GALNT18: variants seen among roughly 807,000 people sequenced by gnomAD.
GALNT18 encodes the protein polypeptide N-acetylgalactosaminyltransferase 18, also known as GalNAc-transferase 18.
Under a neutral mutation model 69.5 loss-of-function variants are expected in GALNT18, and 44 were observed. That is an observed-to-expected ratio of 0.63 (90% CI 0.50 to 0.81). The LOEUF (loss-of-function observed/expected upper bound fraction) is 0.81, where lower values mean the gene tolerates loss of function less well. Among genes scored for constraint, GALNT18 ranks in the 40% least tolerant of loss-of-function variants. The probability of loss-of-function intolerance (pLI) is 0.00; values close to 1 mark genes in which losing one functional copy is unlikely to be tolerated. For synonymous variants in GALNT18, 364 were observed against 318.2 expected (o/e 1.14, Z -1.53); for missense variants, 715 against 810.0 (o/e 0.88, Z 1.42).
Position 11,284,301 on chromosome 11 carries a change from C to T in GALNT18, c.1677+8728G>A, listed in dbSNP as rs186677976. On this transcript the variant is annotated intron_variant, in intron 10 of 10. Coordinates refer to ENST00000227756, the MANE Select transcript of GALNT18 (RefSeq NM_198516.3). ...TGTGGTACAGACTGACTGGCCTGTT[C>T]CTCCTGGAATGTAAGAGTTAGAGTC... 2.6e-5 allele frequency among the ~76,000 whole-genome samples: 4 copies of T among 152,294 alleles called. No individual in the cohort carries two copies. The East Asian group carries it at 7.7e-4, about 29-fold the overall frequency.
At chr11:11,575,117 C>A (rs1858890301) in intron 1 of GALNT18, among the ~76,000 whole-genome samples, 1 of 152,144 alleles carries the variant, frequency 6.6e-6, no homozygotes, top group Non-Finnish European at 1.5e-5. Context: ...AAGCTCATTA[C>A]CATGAACACA....
intron 9 of GALNT18, among the ~76,000 whole-genome samples, chr11:11,297,058 T>C (rs890667299): frequency 6.6e-6 from 1 of 152,124 alleles, no homozygotes; most frequent in African/African-American, 2.4e-5. Flanking sequence ...GGAGGAATGT[T>C]ATAAACCAGG....
At chr11:11,529,759 C>T (rs4910372) in intron 1 of GALNT18, among the ~76,000 whole-genome samples, 34,808 of 151,902 alleles carry the variant, frequency 0.23, 4,465 homozygotes, top group Non-Finnish European at 0.27. Flanking sequence ...TACGTATGCA[C>T]ATGTACCTAT....
rs1279724974 is a variant in GALNT18, at chr11:11,555,782, CA to C, written c.235+65576del. Among the ~76,000 whole-genome samples the C allele has an allele frequency of 6.6e-6, 1 of 152,080 alleles. No homozygotes were observed. The highest frequency in any genetic ancestry group is 2.4e-5 in the African/African-American group (1 of 41,348). ...GGGCCTCCTCAGGTAAGCCCATGAC[CA>C]GGTGGAATAGCCTGGCTGGGGATGC... On this transcript the variant is annotated intron_variant, in intron 1 of 10. Coordinates refer to ENST00000227756, the MANE Select transcript of GALNT18 (RefSeq NM_198516.3). The surrounding 1 kb of genome is among the most constrained non-coding windows in gnomAD (Gnocchi z 4.7).
intron 1 of GALNT18, among the ~76,000 whole-genome samples, chr11:11,551,862 G>T (rs1858202315): frequency 6.6e-6 from 1 of 152,152 alleles, no homozygotes; most frequent in African/African-American, 2.4e-5. Context: ...GCAATGTTCT[G>T]CGAGCAGGGG....
intron 1 of GALNT18, among the ~76,000 whole-genome samples, chr11:11,503,573 CTA>C (rs1055187754): frequency 3.9e-5 from 6 of 152,162 alleles, no homozygotes; most frequent in African/African-American, 1.4e-4. Flanking sequence ...GCGCTAGGCA[CTA>C]TGTGTTCAGC....
chr11:11,280,723 G>A (rs1222803556), intron 10 of GALNT18, among the ~76,000 whole-genome samples: 1 of 152,128 alleles, frequency 6.6e-6, no homozygotes, highest in South Asian at 2.1e-4. Flanking sequence ...CAGTGCCCAG[G>A]GTCACTGCCT....
rs760304514 is a variant in GALNT18 at position 11,332,666 on chromosome 11, T to A, written c.1416+28A>T. The A allele has an allele frequency of 2.5e-6, 4 of 1,611,648 alleles. No individual in the cohort carries two copies. Among genetic ancestry groups the A allele is most frequent in the Non-Finnish European group, 2.5e-6 (3 of 1,178,064 alleles). Reference sequence around the variant, plus strand: ...ATGTTTCTTTCTGTCTGTGTCTGAATGAAACCCGGAGGAGGCCAGCTCCTT... The same window carrying A: ...ATGTTTCTTTCTGTCTGTGTCTGAAAGAAACCCGGAGGAGGCCAGCTCCTT... On this transcript the variant is annotated intron_variant, in intron 8 of 10. Coordinates refer to ENST00000227756, the MANE Select transcript of GALNT18 (RefSeq NM_198516.3). The surrounding 1 kb of genome is among the most constrained non-coding windows in gnomAD (Gnocchi z 4.3).
intron 1 of GALNT18, among the ~76,000 whole-genome samples, chr11:11,466,395 A>AT (rs1184569318): frequency 6.6e-6 from 1 of 152,256 alleles, no homozygotes. Flanking sequence ...TTGAAATATG[A>AT]TTTTTCAAAG....
intron 10 of GALNT18, among the ~76,000 whole-genome samples, chr11:11,283,643 A>C (rs1237918873): frequency 6.6e-6 from 1 of 152,204 alleles, no homozygotes; most frequent in Non-Finnish European, 1.5e-5. Context: ...CTTCGTGCAG[A>C]GACCTGGGCT....
At chr11:11,335,687 A>C (rs1006027786) in intron 7 of GALNT18, among the ~76,000 whole-genome samples, 1 of 152,192 alleles carries the variant, frequency 6.6e-6, no homozygotes, top group Non-Finnish European at 1.5e-5. Flanking sequence ...GTATGTGACT[A>C]TATATGACTA....
chr11:11,353,078 A>C, intron 6 of GALNT18: 1 of 1,614,146 alleles, frequency 6.2e-7, no homozygotes, highest in Non-Finnish European at 8.5e-7. Flanking sequence ...GTGTATTAAC[A>C]TCTGTGTAAA....
At chr11:11,284,868 A>T (rs1043274329) in intron 10 of GALNT18, among the ~76,000 whole-genome samples, 18 of 133,010 alleles carry the variant, frequency 1.4e-4, no homozygotes, top group African/African-American at 5.0e-4. Context: ...TTTTTGTATT[A>T]TGAATACTCA....
intron 1 of GALNT18, among the ~76,000 whole-genome samples, chr11:11,611,561 T>C (rs1239654097): frequency 1.3e-5 from 2 of 152,200 alleles, no homozygotes; most frequent in Admixed American, 1.3e-4. Context: ...AAGCCTCAGA[T>C]GACCAACCAT....
chr11:11,392,796 T>A (rs1854226134), intron 3 of GALNT18, among the ~76,000 whole-genome samples: 1 of 152,220 alleles, frequency 6.6e-6, no homozygotes, highest in Non-Finnish European at 1.5e-5. Context: ...GCCATCTTTT[T>A]AAATTTTATT....
At chr11:11,504,449 A>AG (rs1564982913) in intron 1 of GALNT18, among the ~76,000 whole-genome samples, 1 of 151,238 alleles carries the variant, frequency 6.6e-6, no homozygotes, top group African/African-American at 2.4e-5. Context: ...GAAAAAAAAA[A>AG]CTTGATCACA....
At chr11:11,321,494 A>G (rs1849838089) in intron 9 of GALNT18, among the ~76,000 whole-genome samples, 1 of 152,222 alleles carries the variant, frequency 6.6e-6, no homozygotes, top group Non-Finnish European at 1.5e-5. Context: ...TAGCAAGACA[A>G]ACCCTTGAAC....
At chr11:11,271,404 C>T (rs1439900683) in intron 10 of GALNT18, 114 bp from the exon 11 acceptor site, 4 of 1,062,110 alleles carry the variant, frequency 3.8e-6, no homozygotes, top group Non-Finnish European at 5.6e-6. Flanking sequence ...GGCCAGATCC[C>T]AGGAGGTCAG....
At chr11:11,558,333 A>G (rs752797520) in intron 1 of GALNT18, among the ~76,000 whole-genome samples, 69 of 152,190 alleles carry the variant, frequency 4.5e-4, no homozygotes, top group Non-Finnish European at 8.4e-4. Context: ...AATAGATGCA[A>G]TGGGATCCTT....
Sources: allele counts gnomAD v4.1 joint callset (sites outside exome capture counted in the v4.1 genomes callset), GRCh38; gene constraint gnomAD v4.1.1; non-coding constraint Gnocchi (gnomAD v3.1); transcripts MANE v1.5; gene names NCBI Gene and HGNC (gene_info 2026-07-23, HGNC 2026-07-21).